GRK3: variants seen among roughly 807,000 people sequenced by gnomAD.
The protein encoded by GRK3 is G protein-coupled receptor kinase 3.
Under a neutral mutation model 95.7 loss-of-function variants are expected in GRK3, and 54 were observed. The ratio of observed to expected loss-of-function variants is 0.56; its 90% CI spans 0.45 to 0.71. The LOEUF is 0.71. Ranked by LOEUF, GRK3 falls within the 30% of genes least tolerant of loss-of-function variation. The pLI is 0.00. For missense variants in GRK3, 649 were observed against 851.2 expected, an observed-to-expected ratio of 0.76 and a Z score of 2.96; for synonymous variants, 281 against 290.8, an observed-to-expected ratio of 0.97 and a Z score of 0.34.
chr22:25,676,014 C>T (rs958456741), intron 8 of GRK3, among the ~76,000 whole-genome samples: 3 of 152,182 alleles, frequency 2.0e-5, no homozygotes, highest in South Asian at 2.1e-4. Context: ...GCCTCCATCT[C>T]CTGGTCTATA....
chr22:25,601,427 A>C (rs996026904), intron 1 of GRK3, among the ~76,000 whole-genome samples: 1 of 152,234 alleles, frequency 6.6e-6, no homozygotes, highest in African/African-American at 2.4e-5. Flanking sequence ...CAAGGAAGAA[A>C]TCTCAAGGGA....
rs1450851018 is a variant in GRK3 at position 25,644,578 on chromosome 22, T to A, written c.191-14T>A. 1 of 1,414,192 alleles carries A rather than the reference T, an allele frequency of 7.1e-7. No homozygotes were observed. The highest frequency in any genetic ancestry group is 9.8e-7 in the Non-Finnish European group (1 of 1,021,334). 87.6% of individuals were successfully genotyped at this position (1,414,192 alleles called of 1,614,324 possible). The stretch of plus-strand genomic sequence containing the variant: ...TAATTGCCCACCCTGAAATTTTTTA[T>A]TTTTTTCCTTTAGGTTTCTTGCTAT... On this transcript the variant is annotated splice_polypyrimidine_tract_variant and intron_variant, in intron 2 of 20. Coordinates refer to ENST00000324198, the MANE Select transcript of GRK3 (RefSeq NM_005160.4).
intron 1 of GRK3, among the ~76,000 whole-genome samples, chr22:25,597,225 G>A (rs1010228559): frequency 3.9e-5 from 6 of 151,928 alleles, no homozygotes; most frequent in Admixed American, 1.3e-4. Context: ...AGAAAGAGCC[G>A]ACTAAAAAAA....
chr22:25,624,919 CTTTTT>C (rs552338056), intron 2 of GRK3, among the ~76,000 whole-genome samples: 1 of 142,188 alleles, frequency 7.0e-6, no homozygotes, highest in Admixed American at 7.0e-5. Context: ...TGATGAATCT[CTTTTT>C]TTTTTTTTTT....
chr22:25,660,438 C>G (rs1456075783), intron 3 of GRK3, among the ~76,000 whole-genome samples: 1 of 152,166 alleles, frequency 6.6e-6, no homozygotes, highest in Non-Finnish European at 1.5e-5. Context: ...GAATTTCAGC[C>G]ATCACAGTGT....
intron 1 of GRK3, among the ~76,000 whole-genome samples, chr22:25,603,156 A>G (rs1016074444): frequency 6.6e-6 from 1 of 152,096 alleles, no homozygotes; most frequent in African/African-American, 2.4e-5. Flanking sequence ...ACCTCAGATG[A>G]TTCACTCGCC....
At position 25,722,553 on chromosome 22, in the gene GRK3, C is replaced by CT; in HGVS notation, c.*103_*104insT. On this transcript the variant is annotated 3_prime_UTR_variant, in exon 21 of 21. Coordinates refer to ENST00000324198, the MANE Select transcript of GRK3 (RefSeq NM_005160.4). Reference sequence around the variant, plus strand: ...TGATCTATTCGCTACCGGGACTCCTCCAGGCTCCCGAGAGGAGTCGGGACC... The same window carrying CT: ...TGATCTATTCGCTACCGGGACTCCTCTCAGGCTCCCGAGAGGAGTCGGGACC... 2.3e-6 allele frequency: 3 copies of CT among 1,287,284 alleles called. No individual in the cohort carries two copies. Among genetic ancestry groups the CT allele is most frequent in the Non-Finnish European group, 3.2e-6 (3 of 932,322 alleles). 79.7% of individuals were successfully genotyped at this position (1,287,284 alleles called of 1,614,324 possible).
chr22:25,636,122 G>A (rs1480499453), intron 2 of GRK3, among the ~76,000 whole-genome samples: 1 of 152,134 alleles, frequency 6.6e-6, no homozygotes, highest in Non-Finnish European at 1.5e-5. Flanking sequence ...TCTAGCAGAT[G>A]TTTAAAGCTC....
rs1310200018 is a variant in GRK3, at chr22:25,698,696, C to G, written c.1160+3482C>G. On this transcript the variant is annotated intron_variant, in intron 13 of 20. Coordinates refer to ENST00000324198, the MANE Select transcript of GRK3 (RefSeq NM_005160.4). ...GGCCCCGAGGCTGAAAGCTTTTCAG[C>G]GGAGCAGTGGCAGGGTTGGGTGGCT... Among the ~76,000 whole-genome samples the G allele has an allele frequency of 1.3e-5, 2 of 152,052 alleles. 1 individual carries two copies. The highest frequency in any genetic ancestry group is 4.2e-4 in the South Asian group (2 of 4,812).
Position 25,695,192 on chromosome 22 carries a change from A to G in GRK3, c.1138A>G (p.Met380Val), listed in dbSNP as rs778095031. Residue 380 changes from methionine (M) to valine (V), a missense_variant, in exon 13 of 21, where the codon ATG becomes GTG. By Grantham distance (21) the Met-to-Val change is conservative. This residue lies in a region of GRK3 where 382 missense variants were observed against 493.8 expected (regional missense o/e 0.77). Transcript: ENST00000324198. ...TGCCGACTGGTTCTCCCTGGGCTGCATGCTTTTCAAACTTCTGAGAGGGTG... is the reference window on the plus strand; with the variant it reads ...TGCCGACTGGTTCTCCCTGGGCTGCGTGCTTTTCAAACTTCTGAGAGGGTG... Reference protein sequence around the residue: ...SSADWFSLGCMLFKLLRGHSP... With the variant: ...SSADWFSLGCVLFKLLRGHSP... 9 of 1,614,110 alleles carry G rather than the reference A, an allele frequency of 5.6e-6. No individual in the cohort carries two copies. The Admixed American group carries it at 1.3e-4, about 24-fold the overall frequency.
At chr22:25,604,078 A>G (rs1020852096) in intron 1 of GRK3, among the ~76,000 whole-genome samples, 1 of 152,058 alleles carries the variant, frequency 6.6e-6, no homozygotes, top group Non-Finnish European at 1.5e-5. Flanking sequence ...GTGCGTGCAG[A>G]CACATTTGTG....
chr22:25,687,670 G>T lies in GRK3; in HGVS notation c.957+3G>T. On this transcript the variant is annotated splice_donor_region_variant and intron_variant, in intron 11 of 20. Transcript: ENST00000324198. The stretch of plus-strand genomic sequence containing the variant: ...TTGTTGTCTACAGAGATTTGAAGGT[G>T]AGGACGATTGACAGACTCATTCTGC... 6.2e-7 allele frequency: 1 copy of T among 1,614,102 alleles called. No homozygotes were observed. Among genetic ancestry groups the T allele is most frequent in the South Asian group, 1.1e-5 (1 of 91,062 alleles).
At chr22:25,666,060 A>T (rs1191021419) in intron 5 of GRK3, among the ~76,000 whole-genome samples, 1 of 152,192 alleles carries the variant, frequency 6.6e-6, no homozygotes, top group African/African-American at 2.4e-5. Flanking sequence ...TGAGGATCAG[A>T]GAGGGAAAGT....
At chr22:25,597,506 ATC>A (rs1278404456) in intron 1 of GRK3, among the ~76,000 whole-genome samples, 2 of 152,196 alleles carry the variant, frequency 1.3e-5, no homozygotes, top group African/African-American at 4.8e-5. Flanking sequence ...AATTACCCTG[ATC>A]TGATCACTAT....
chr22:25,648,198 C>T (rs996917448), intron 3 of GRK3: 21 of 745,828 alleles, frequency 2.8e-5, no homozygotes, highest in Non-Finnish European at 4.4e-5. Context: ...CCTCTCTATT[C>T]GTGATTGGGA....
rs537480777 is a variant in GRK3 at position 25,657,712 on chromosome 22, A to AT, written c.265-3858dup. Among the ~76,000 whole-genome samples the AT allele has an allele frequency of 6.7e-3, 1,025 of 152,012 alleles. 17 individuals are homozygous for AT. The highest frequency in any genetic ancestry group is 0.023 in the African/African-American group (957 of 41,504). On this transcript the variant is annotated intron_variant, in intron 3 of 20. Coordinates refer to ENST00000324198, the MANE Select transcript of GRK3 (RefSeq NM_005160.4). ...CTTGAATCTGTAAATTTATATATAT[A>AT]TTTTTTACCAAATCTGGGAAAATTA...
intron 6 of GRK3, among the ~76,000 whole-genome samples, chr22:25,668,558 T>C (rs1302762874): frequency 6.6e-6 from 1 of 152,252 alleles, no homozygotes; most frequent in East Asian, 1.9e-4. Flanking sequence ...TGCAATTCTA[T>C]TGGAGTTCAA....
intron 2 of GRK3, among the ~76,000 whole-genome samples, chr22:25,629,065 T>A (rs1028637189): frequency 1.3e-5 from 2 of 152,206 alleles, no homozygotes; most frequent in African/African-American, 2.4e-5. Context: ...TATTATTCAT[T>A]TATAAAATAA....
intron 12 of GRK3, among the ~76,000 whole-genome samples, chr22:25,694,105 C>G (rs2146442800): frequency 6.6e-6 from 1 of 152,272 alleles, no homozygotes; most frequent in East Asian, 1.9e-4. Context: ...AATTCTTACA[C>G]TAAGATAAGC....
Sources: allele counts gnomAD v4.1 joint callset (sites outside exome capture counted in the v4.1 genomes callset), GRCh38; gene constraint gnomAD v4.1.1; regional missense constraint gnomAD v4.1.1; transcripts MANE v1.5; gene names NCBI Gene and HGNC (gene_info 2026-07-23, HGNC 2026-07-21).